The following MALRD1 variants were observed in gnomAD, a reference collection of about 807,000 sequenced individuals.
MALRD1 encodes the protein MAM and LDL-receptor class A domain-containing protein 1.
In MALRD1, 247 loss-of-function variants were observed where a neutral mutation model predicts 242.1. The observed-to-expected ratio is 1.02, with a 90% CI of 0.92 to 1.13. The LOEUF is 1.13. Ranked by LOEUF, MALRD1 falls within the 50% of genes most tolerant of loss-of-function variation. The probability of loss-of-function intolerance (pLI) is 0.00; values close to 1 mark genes in which losing one functional copy is unlikely to be tolerated. For synonymous variants in MALRD1, 995 were observed against 866.6 expected, an observed-to-expected ratio of 1.15 and a Z score of -2.60; for missense variants, 2,989 against 2,533.1, an observed-to-expected ratio of 1.18 and a Z score of -3.86.
At chr10:19,114,282 T>A (rs1419439359) in intron 5 of MALRD1, among the ~76,000 whole-genome samples, 3 of 152,210 alleles carry the variant, frequency 2.0e-5, no homozygotes, top group African/African-American at 7.2e-5. Context: ...TTTGCCATAT[T>A]ATAACAGAAA....
intron 36 of MALRD1, among the ~76,000 whole-genome samples, chr10:19,688,618 C>T (rs756365646): frequency 2.6e-5 from 4 of 152,172 alleles, no homozygotes; most frequent in Middle Eastern, 3.2e-3. Context: ...GTCCACCAAG[C>T]TCTAGTTAGT....
At position 19,124,534 on chromosome 10, in the gene MALRD1, C is replaced by A. The variant is rs904485233; in HGVS notation, c.807C>A (p.Ala269=). The A allele has an allele frequency of 8.1e-7, 1 of 1,233,674 alleles. No individual in the cohort carries two copies. The highest frequency in any genetic ancestry group is 1.6e-5 in the African/African-American group (1 of 64,440). 76.4% of individuals were successfully genotyped at this position (1,233,674 alleles called of 1,614,324 possible). The stretch of plus-strand genomic sequence containing the variant: ...TTTTCTCCCGTTTAGTGTGTCAGGC[C>A]TGTGGGTTTGAATTTGACATGTGTG... ...ATDEELRLCQ[A]CGFEFDMCEW... The change falls in exon 7 of 40, where the codon GCC becomes GCA. Residue 269 remains alanine, a synonymous_variant. Coordinates refer to ENST00000454679, the MANE Select transcript of MALRD1 (RefSeq NM_001142308.3).
At chr10:19,615,669 G>A (rs950417813) in intron 35 of MALRD1, among the ~76,000 whole-genome samples, 188 bp from the exon 36 acceptor site, 5 of 152,104 alleles carry the variant, frequency 3.3e-5, no homozygotes, top group African/African-American at 1.2e-4. Flanking sequence ...ATTCAGGGCA[G>A]CAGGGGCCAG....
intron 18 of MALRD1, among the ~76,000 whole-genome samples, chr10:19,223,542 G>A (rs1837652608): frequency 6.6e-6 from 1 of 151,964 alleles, no homozygotes; most frequent in Admixed American, 6.6e-5. Context: ...ACATTTGTGT[G>A]TATATATATA....
At chr10:19,225,967 T>C (rs1245454984) in intron 18 of MALRD1, among the ~76,000 whole-genome samples, 1 of 152,204 alleles carries the variant, frequency 6.6e-6, no homozygotes, top group African/African-American at 2.4e-5. Context: ...ACCGTTGGTG[T>C]TATCCCTGGT....
intron 30 of MALRD1, 75 bp from the exon 31 acceptor site, chr10:19,498,410 A>G (rs1837819277): frequency 7.7e-7 from 1 of 1,305,576 alleles, no homozygotes; most frequent in African/African-American, 1.5e-5. Context: ...CTAATTTTAA[A>G]TGATCCCAAA....
In MALRD1 at chr10:19,270,316, C is replaced by T. The variant is rs575576607; in HGVS notation, c.3080-9731C>T. Among the ~76,000 whole-genome samples, 229 of 113,596 alleles carry T rather than the reference C, an allele frequency of 2.0e-3. 1 individual carries two copies. Among genetic ancestry groups the T allele is most frequent in the African/African-American group, 7.3e-3 (219 of 30,098 alleles). The allele number at this position is 113,596 out of a possible 152,430, so 74.5% of individuals were successfully genotyped here. A position where few individuals can be genotyped will look rare whatever the true frequency, so the allele number is the denominator to read the frequency against. ...GGCCACAGTGAGACTGTCTCTCTCT[C>T]TTCTCTCTCTCTCTCTCTCTCACAC... On this transcript the variant is annotated intron_variant, in intron 19 of 39. Transcript: ENST00000454679.
chr10:19,143,463 T>C (rs947300128), intron 10 of MALRD1, among the ~76,000 whole-genome samples: 2 of 152,234 alleles, frequency 1.3e-5, no homozygotes, highest in African/African-American at 4.8e-5. Context: ...TGGACTTGTA[T>C]AGCAATGCAT....
chr10:19,396,764 T>C (rs1187818338), intron 28 of MALRD1, among the ~76,000 whole-genome samples: 2 of 152,190 alleles, frequency 1.3e-5, no homozygotes, highest in Non-Finnish European at 2.9e-5. Flanking sequence ...TTAATAAATC[T>C]ATAGATGTAT....
chr10:19,088,008 T>A lies in MALRD1; in HGVS notation c.436-16T>A, dbSNP rs1835733274. 1 of 1,233,284 alleles carries A rather than the reference T, an allele frequency of 8.1e-7. No homozygotes were observed. The highest frequency in any genetic ancestry group is 1.6e-5 in the African/African-American group (1 of 64,452). 76.4% of individuals were successfully genotyped at this position (1,233,284 alleles called of 1,614,324 possible). A position where few individuals can be genotyped will look rare whatever the true frequency, so the allele number is the denominator to read the frequency against. Reference sequence around the variant, plus strand: ...TTCTTTATCATAATTGTTTGGGTACTAATTGTCTTTCACAGATTACATTTT... The same window carrying A: ...TTCTTTATCATAATTGTTTGGGTACAAATTGTCTTTCACAGATTACATTTT... On this transcript the variant is annotated splice_polypyrimidine_tract_variant and intron_variant, in intron 3 of 39. Coordinates refer to ENST00000454679, the MANE Select transcript of MALRD1 (RefSeq NM_001142308.3).
intron 28 of MALRD1, among the ~76,000 whole-genome samples, chr10:19,395,935 A>G (rs953642368): frequency 2.6e-5 from 4 of 152,030 alleles, no homozygotes; most frequent in African/African-American, 4.8e-5. Flanking sequence ...TTCCGTTAGG[A>G]TGCTAACACC....
At chr10:19,717,592 A>C (rs1485459168) in intron 38 of MALRD1, among the ~76,000 whole-genome samples, 1 of 152,186 alleles carries the variant, frequency 6.6e-6, no homozygotes, top group African/African-American at 2.4e-5. Context: ...CATGTGTTTT[A>C]TTATTAATGC....
chr10:19,136,164 A>C (rs1252779920), intron 9 of MALRD1, among the ~76,000 whole-genome samples: 2 of 151,258 alleles, frequency 1.3e-5, no homozygotes, highest in Admixed American at 1.3e-4. Context: ...TTGTTCTATA[A>C]GTAATGACAA....
intron 24 of MALRD1, among the ~76,000 whole-genome samples, chr10:19,341,464 GTATATATGTATATATATGTGTA>G (rs1843852675): frequency 2.9e-5 from 3 of 104,232 alleles, no homozygotes; most frequent in Admixed American, 1.0e-4. Context: ...GTATATATAT[GTATATATGTATATATATGTGTA>G]TATATATGTA....
intron 28 of MALRD1, among the ~76,000 whole-genome samples, chr10:19,449,903 T>C (rs1406491593): frequency 6.6e-6 from 1 of 152,192 alleles, no homozygotes; most frequent in African/African-American, 2.4e-5. Flanking sequence ...GAAAATTCAT[T>C]GGCACTAGTA....
At chr10:19,642,681 T>C (rs977923111) in intron 36 of MALRD1, among the ~76,000 whole-genome samples, 1 of 152,192 alleles carries the variant, frequency 6.6e-6, no homozygotes, top group African/African-American at 2.4e-5. Flanking sequence ...ATAGAAATCC[T>C]CAAGTTCAGT....
chr10:19,462,062 A>G (rs1417346992), intron 29 of MALRD1, among the ~76,000 whole-genome samples: 4 of 152,174 alleles, frequency 2.6e-5, no homozygotes, highest in Admixed American at 2.0e-4. Context: ...TGCCTACTGG[A>G]ACTCCACCTT....
At chr10:19,553,663 C>T (rs1237946503) in intron 32 of MALRD1, among the ~76,000 whole-genome samples, 2 of 152,110 alleles carry the variant, frequency 1.3e-5, no homozygotes, top group African/African-American at 2.4e-5. Context: ...AGTAATATAT[C>T]TCAGCTCTGA....
intron 21 of MALRD1, among the ~76,000 whole-genome samples, chr10:19,315,775 A>G (rs1037973984): frequency 1.1e-4 from 15 of 141,932 alleles, no homozygotes; most frequent in Admixed American, 2.9e-4. Flanking sequence ...TGTATATAAT[A>G]TGTATGTATT....
Sources: gnomAD v4.1 joint callset for allele counts (sites outside exome capture counted in the v4.1 genomes callset) on GRCh38, gnomAD v4.1.1 for gene constraint, MANE v1.5 for transcripts, NCBI Gene and HGNC (gene_info 2026-07-23, HGNC 2026-07-21) for gene names.